Variants in GRIK2 observed in about 807,000 individuals in gnomAD.
GRIK2 encodes glutamate receptor ionotropic, kainate 2.
In GRIK2, 32 loss-of-function variants were observed where a neutral mutation model predicts 100.3. The observed-to-expected ratio is 0.32, with a 90% confidence interval of 0.24 to 0.43. The LOEUF (loss-of-function observed/expected upper bound fraction) is 0.43, where lower values mean the gene tolerates loss of function less well. Ranked by LOEUF, GRIK2 falls within the 20% of genes least tolerant of loss-of-function variation. The probability of loss-of-function intolerance (pLI) is 1.00; values close to 1 mark genes in which losing one functional copy is unlikely to be tolerated. For missense variants in GRIK2, 843 were observed against 1,114.9 expected (o/e 0.76, Z 3.47); for synonymous variants, 417 against 389.4 (o/e 1.07, Z -0.83).
At chr6:102,011,124 A>C (rs1317438534) in intron 14 of GRIK2, among the ~76,000 whole-genome samples, 1 of 152,290 alleles carries the variant, frequency 6.6e-6, no homozygotes, top group Middle Eastern at 3.4e-3. Context: ...TGCCTGCTAA[A>C]GTGTCTTCTA....
At position 102,016,540 on chromosome 6, in the gene GRIK2, C is replaced by CA. The variant is rs1267997718; in HGVS notation, c.2086-18793dup. Among the ~76,000 whole-genome samples, 8 of 138,924 alleles carry CA rather than the reference C, an allele frequency of 5.8e-5. No individual in the cohort carries two copies. In the East Asian group the frequency reaches 6.3e-4, roughly 11 times the overall value. 91.1% of individuals were successfully genotyped at this position (138,924 alleles called of 152,430 possible). On this transcript the variant is annotated intron_variant, in intron 14 of 16. Transcript: ENST00000369134. Reference sequence around the variant, plus strand: ...AACTTAAAGTATAATAATAATAATACAAAAAAAATAAATAAAAAAATTCAA... The same window carrying CA: ...AACTTAAAGTATAATAATAATAATACAAAAAAAAATAAATAAAAAAATTCAA...
chr6:101,675,287 A>G (rs1355736616), intron 4 of GRIK2, among the ~76,000 whole-genome samples: 2 of 125,578 alleles, frequency 1.6e-5, no homozygotes, highest in East Asian at 2.1e-4. Flanking sequence ...ACGCGCACGC[A>G]CACGCAGACA....
At chr6:101,754,664 G>A (rs1348777176) in intron 7 of GRIK2, among the ~76,000 whole-genome samples, 4 of 152,148 alleles carry the variant, frequency 2.6e-5, no homozygotes, top group Non-Finnish European at 5.9e-5. Flanking sequence ...AGGAGGACAG[G>A]GTACTAGGTT....
intron 10 of GRIK2, among the ~76,000 whole-genome samples, chr6:101,843,641 G>A (rs985605460): frequency 9.9e-5 from 15 of 152,088 alleles, no homozygotes; most frequent in Non-Finnish European, 1.9e-4. Context: ...CACAGGTCAC[G>A]TCCCCATGAA....
At chr6:101,650,230 A>T (rs888123167) in intron 4 of GRIK2, among the ~76,000 whole-genome samples, 1 of 152,142 alleles carries the variant, frequency 6.6e-6, no homozygotes, top group African/African-American at 2.4e-5. Context: ...AACATTGGAA[A>T]CCAATTAGTA....
intron 15 of GRIK2, among the ~76,000 whole-genome samples, chr6:102,043,804 T>C (rs1222872660): frequency 7.2e-5 from 11 of 152,098 alleles, no homozygotes; most frequent in Non-Finnish European, 1.2e-4. Flanking sequence ...TTTCCCATGA[T>C]GGTTGCACTA....
chr6:102,060,315 G>A (rs940127125), intron 16 of GRIK2, among the ~76,000 whole-genome samples: 5 of 150,748 alleles, frequency 3.3e-5, no homozygotes, highest in African/African-American at 9.7e-5. Flanking sequence ...TTGGAATACA[G>A]CTATAAATCA....
chr6:101,641,247 T>G (rs141780850), intron 4 of GRIK2, among the ~76,000 whole-genome samples: 1 of 152,230 alleles, frequency 6.6e-6, no homozygotes, highest in East Asian at 1.9e-4. Context: ...GTACAAAAAG[T>G]ACTAATTAAT....
chr6:101,396,932 G>A (rs780190001), intron 1 of GRIK2, among the ~76,000 whole-genome samples: 1 of 152,128 alleles, frequency 6.6e-6, no homozygotes, highest in Non-Finnish European at 1.5e-5. Context: ...TCTTTTAACT[G>A]TTTAATTTAT....
intron 7 of GRIK2, among the ~76,000 whole-genome samples, chr6:101,732,268 T>C (rs984573653): frequency 6.6e-6 from 1 of 152,080 alleles, no homozygotes; most frequent in Non-Finnish European, 1.5e-5. Flanking sequence ...TATTTGGATT[T>C]TAAAGAAATA....
chr6:101,908,887 C>T (rs181986990), intron 12 of GRIK2, among the ~76,000 whole-genome samples: 6 of 151,056 alleles, frequency 4.0e-5, no homozygotes, highest in African/African-American at 1.2e-4. Context: ...TTTTTATGCC[C>T]CTCCCTTGTT....
At chr6:101,670,687 T>C (rs1374358319) in intron 4 of GRIK2, among the ~76,000 whole-genome samples, 2 of 152,198 alleles carry the variant, frequency 1.3e-5, no homozygotes, top group Non-Finnish European at 2.9e-5. Flanking sequence ...TTTTTAATTC[T>C]AATGTTAGGT....
intron 14 of GRIK2, among the ~76,000 whole-genome samples, chr6:101,996,097 C>T (rs1377195664): frequency 6.6e-6 from 1 of 151,934 alleles, no homozygotes; most frequent in Non-Finnish European, 1.5e-5. Context: ...ATTGAAGATT[C>T]TCCCACATAT....
intron 2 of GRIK2, among the ~76,000 whole-genome samples, chr6:101,449,884 A>G (rs1769929126): frequency 1.3e-5 from 2 of 151,750 alleles, no homozygotes; most frequent in Non-Finnish European, 3.0e-5. Context: ...TGGAGTGTAG[A>G]GACGATTAAT....
At chr6:101,670,387 A>G (rs1383035296) in intron 4 of GRIK2, among the ~76,000 whole-genome samples, 4 of 152,112 alleles carry the variant, frequency 2.6e-5, no homozygotes, top group South Asian at 4.1e-4. Flanking sequence ...GGAAACTGGC[A>G]AACTGAAATC....
intron 7 of GRIK2, among the ~76,000 whole-genome samples, chr6:101,734,479 TAGGG>T (rs1775497777): frequency 6.6e-6 from 1 of 152,120 alleles, no homozygotes; most frequent in African/African-American, 2.4e-5. Flanking sequence ...TATAATACAT[TAGGG>T]AGGACAATTA....
chr6:101,548,222 C>T, intron 2 of GRIK2, among the ~76,000 whole-genome samples: 1 of 151,880 alleles, frequency 6.6e-6, no homozygotes, highest in East Asian at 1.9e-4. Flanking sequence ...GGATATTAGC[C>T]CTTTATCAGA....
chr6:102,055,190 C>T, intron 15 of GRIK2, 140 bp from the exon 16 acceptor site: 16 of 567,920 alleles, frequency 2.8e-5, no homozygotes, highest in Middle Eastern at 4.1e-4. Context: ...GTGTTTTTTC[C>T]AGTTGTTTTT....
chr6:101,398,086 A>G (rs545920863), intron 1 of GRIK2, among the ~76,000 whole-genome samples: 101 of 152,266 alleles, frequency 6.6e-4, no homozygotes, highest in Non-Finnish European at 1.1e-3. Flanking sequence ...CTACCAGAAA[A>G]CTAGCAAATG....
Sources: allele counts gnomAD v4.1 joint callset (sites outside exome capture counted in the v4.1 genomes callset), GRCh38; gene constraint gnomAD v4.1.1; transcripts MANE v1.5; gene names NCBI Gene and HGNC (gene_info 2026-07-23, HGNC 2026-07-21).